The following B4GALT2 variants were observed in gnomAD, a reference collection of about 807,000 sequenced individuals.
B4GALT2 encodes the protein N-acetyllactosamine synthase.
A neutral mutation model predicts 33.2 loss-of-function variants in B4GALT2; 18 were observed. The ratio of observed to expected loss-of-function variants is 0.54; its 90% CI spans 0.38 to 0.80. The LOEUF (loss-of-function observed/expected upper bound fraction) is 0.80. Among genes scored for constraint, B4GALT2 ranks in the 30% least tolerant of loss-of-function variants. The pLI is 0.00. For synonymous variants in B4GALT2, 214 were observed against 217.6 expected, an observed-to-expected ratio of 0.98 and a Z score of 0.15; for missense variants, 404 against 526.2, an observed-to-expected ratio of 0.77 and a Z score of 2.27.
chr1:43,985,910 A>G, intron 6 of B4GALT2: 1 of 486,348 alleles, frequency 2.1e-6, no homozygotes, highest in South Asian at 2.3e-5. Context: ...CAGGGCCTAA[A>G]TAGTCATTGA....
chr1:43,981,733 C>G lies in B4GALT2; in HGVS notation c.358C>G (p.Arg120Gly). The G allele has an allele frequency of 1.2e-6, 2 of 1,613,214 alleles. No homozygotes were observed. The highest frequency in any genetic ancestry group is 1.7e-6 in the Non-Finnish European group (2 of 1,179,938). ...IEFTSPMPLERVQRENPGVLM... is the reference protein window; with the variant it reads ...IEFTSPMPLEGVQRENPGVLM... ...GTTCACCTCACCCATGCCCCTGGAG[C>G]GGGTGCAGAGGGAGAACCCAGGCGT... Residue 120 changes from arginine (R) to glycine (G), a missense_variant, in exon 3 of 7, where the codon CGG becomes GGG. Physicochemically the swap from Arg to Gly is moderately radical, Grantham distance 125. Transcript: ENST00000372324. The surrounding 1 kb of genome is among the most constrained non-coding windows in gnomAD (Gnocchi z 8.1).
chr1:43,989,365 G>A (rs2085697082), intron 6 of B4GALT2, among the ~76,000 whole-genome samples: 1 of 148,072 alleles, frequency 6.8e-6, no homozygotes, highest in Admixed American at 6.8e-5. Context: ...ATTTGAAAAG[G>A]AGACTTTATT....
In B4GALT2 at chr1:43,983,307, C is replaced by T. The variant is rs2085621142; in HGVS notation, c.549+1383C>T. ...AGCAAGGGGCATGAGAGGAGGAAGCCAGCACTTCAGGGATGGAGGGAGAAA... is the reference window on the plus strand; with the variant it reads ...AGCAAGGGGCATGAGAGGAGGAAGCTAGCACTTCAGGGATGGAGGGAGAAA... On this transcript the variant is annotated intron_variant, in intron 3 of 6. Transcript: ENST00000372324. 3.3e-5 allele frequency among the ~76,000 whole-genome samples: 5 copies of T among 152,154 alleles called. No individual in the cohort carries two copies. In the South Asian group the frequency reaches 1.0e-3, roughly 32 times the overall value.
At chr1:43,980,678 T>C in intron 1 of B4GALT2, 3 of 825,062 alleles carry the variant, frequency 3.6e-6, no homozygotes, top group Admixed American at 5.1e-5. Context: ...TTAAGGATGC[T>C]GCCATGTGAG....
rs2154303299 is a variant in B4GALT2 at position 43,984,958 on chromosome 1, A to T, written c.643A>T (p.Ser215Cys). The change falls in exon 4 of 7, where the codon AGC (serine) becomes TGC (cysteine). Residue 215 changes from serine to cysteine, a missense_variant. Transcript: ENST00000372324. This position sits in a 1 kb window ranked among gnomAD's most constrained non-coding sequence, Gnocchi z 5.6. ...TGCCGCCTATGACTGCTTCATCTTC[A>T]GCGATGTGGACCTGGTCCCCATGGA... The part of the protein sequence containing the change: ...EDAAYDCFIF[S>C]DVDLVPMDDR... The T allele has an allele frequency of 1.2e-6, 2 of 1,613,980 alleles. No homozygotes were observed. The highest frequency in any genetic ancestry group is 4.5e-5 in the East Asian group (2 of 44,880).
rs1061781 is a variant in B4GALT2, at chr1:43,985,562, C to G, written c.909C>G (p.Ile303Met). 1.2e-6 allele frequency: 2 copies of G among 1,613,454 alleles called. No homozygotes were observed. Among genetic ancestry groups the G allele is most frequent in the Non-Finnish European group, 8.5e-7 (1 of 1,179,848 alleles). The change falls in exon 6 of 7, where the codon ATC becomes ATG. Residue 303 changes from isoleucine to methionine, a missense_variant. Transcript: ENST00000372324. ...AGATCTCACGCCCAGACATCCGAATCGGCCGCTACCGCATGATCAAGCACG... is the reference window on the plus strand; with the variant it reads ...AGATCTCACGCCCAGACATCCGAATGGGCCGCTACCGCATGATCAAGCACG... ...GMKISRPDIR[I>M]GRYRMIKHDR...
chr1:43,982,323 G>A lies in B4GALT2; in HGVS notation c.549+399G>A, dbSNP rs1164874455. On this transcript the variant is annotated intron_variant, in intron 3 of 6. Coordinates refer to ENST00000372324, the MANE Select transcript of B4GALT2 (RefSeq NM_003780.5). This position sits in a 1 kb window ranked among gnomAD's most constrained non-coding sequence, Gnocchi z 4.3. Reference sequence around the variant, plus strand: ...AGGGCACTCAGCTCAGCATCTTAAGGCCTTTGGTGGACCTGGCTAGGGCTG... The same window carrying A: ...AGGGCACTCAGCTCAGCATCTTAAGACCTTTGGTGGACCTGGCTAGGGCTG... 1.3e-5 allele frequency among the ~76,000 whole-genome samples: 2 copies of A among 152,140 alleles called. No individual in the cohort carries two copies. The highest frequency in any genetic ancestry group is 2.9e-5 in the Non-Finnish European group (2 of 68,016).
Position 43,981,042 on chromosome 1 carries a change from G to A in B4GALT2, c.-52-67G>A. The A allele has an allele frequency of 6.8e-7, 1 of 1,465,898 alleles. No homozygotes were observed. Among genetic ancestry groups the A allele is most frequent in the Non-Finnish European group, 9.0e-7 (1 of 1,107,474 alleles). 90.8% of individuals were successfully genotyped at this position (1,465,898 alleles called of 1,614,324 possible). ...CACGAGTGTGAGCAGCTGAGTGGGA[G>A]GTAGGTGGGCAGCCTTGCCTGTCCT... On this transcript the variant is annotated intron_variant, in intron 1 of 6. Transcript: ENST00000372324. The surrounding 1 kb of genome is among the most constrained non-coding windows in gnomAD (Gnocchi z 8.1).
chr1:43,989,423 T>G (rs2085697832), intron 6 of B4GALT2, among the ~76,000 whole-genome samples: 1 of 151,826 alleles, frequency 6.6e-6, no homozygotes, highest in African/African-American at 2.4e-5. Flanking sequence ...TCCCACTGGC[T>G]AGGAAGCAGA....
At chr1:43,983,476 G>A (rs1379344430) in intron 3 of B4GALT2, among the ~76,000 whole-genome samples, 1 of 152,212 alleles carries the variant, frequency 6.6e-6, no homozygotes, top group Admixed American at 6.5e-5. Flanking sequence ...GGAGGGATGT[G>A]GACCAAGACT....
rs61054913 is a variant in B4GALT2, at chr1:43,982,214, G to A, written c.549+290G>A. On this transcript the variant is annotated intron_variant, in intron 3 of 6. Coordinates refer to ENST00000372324, the MANE Select transcript of B4GALT2 (RefSeq NM_003780.5). This position sits in a 1 kb window ranked among gnomAD's most constrained non-coding sequence, Gnocchi z 4.3. Reference sequence around the variant, plus strand: ...TATGCTGTAGGAGGAGATGTTGAGGGCCCTGAGGAGAGGGAGTTAGACCCT... The same window carrying A: ...TATGCTGTAGGAGGAGATGTTGAGGACCCTGAGGAGAGGGAGTTAGACCCT... Among the ~76,000 whole-genome samples the A allele has an allele frequency of 1.0e-3, 158 of 152,312 alleles. 1 individual carries two copies. The highest frequency in any genetic ancestry group is 3.6e-3 in the African/African-American group (149 of 41,566).
intron 1 of B4GALT2, chr1:43,980,324 T>C (rs544372610): frequency 1.6e-5 from 6 of 373,252 alleles, no homozygotes; most frequent in African/African-American, 1.3e-4. Context: ...CAGAACCAGC[T>C]GTGCTGGGCA....
chr1:43,983,215 G>A (rs530639109), intron 3 of B4GALT2, among the ~76,000 whole-genome samples: 1 of 152,316 alleles, frequency 6.6e-6, no homozygotes, highest in East Asian at 1.9e-4. Flanking sequence ...AGTGGAGAGA[G>A]GGATCTGGGA....
chr1:43,981,828 T>C lies in B4GALT2; in HGVS notation c.453T>C (p.Phe151=). 1.9e-6 allele frequency: 3 copies of C among 1,613,858 alleles called. No homozygotes were observed. Among genetic ancestry groups the C allele is most frequent in the East Asian group, 2.2e-5 (1 of 44,868 alleles). The change falls in exon 3 of 7, where the codon TTT becomes TTC. Residue 151 remains phenylalanine (F), a synonymous_variant. Transcript: ENST00000372324. This position sits in a 1 kb window ranked among gnomAD's most constrained non-coding sequence, Gnocchi z 8.1. ...AGACGGTGGCGGTCATCATCCCCTT[T>C]AGACACCGGGAACACCACCTGCGCT... ...PAQTVAVIIP[F]RHREHHLRYW...
At chr1:43,989,721 G>A (rs1167028773) in intron 6 of B4GALT2, among the ~76,000 whole-genome samples, 1 of 152,226 alleles carries the variant, frequency 6.6e-6, no homozygotes, top group Non-Finnish European at 1.5e-5. Flanking sequence ...ATGGCCGATG[G>A]TCTTATCAGG....
Position 43,982,020 on chromosome 1 carries a change from C to G in B4GALT2, c.549+96C>G, listed in dbSNP as rs2085605770. On this transcript the variant is annotated intron_variant, in intron 3 of 6. Transcript: ENST00000372324. The surrounding 1 kb of genome is among the most constrained non-coding windows in gnomAD (Gnocchi z 4.3). ...TGCCCGTGTGGATATGTGGATGGAC[C>G]TGGGCGTGGGTAGTCGGTGTTTGTC... 4 of 1,269,590 alleles carry G rather than the reference C, an allele frequency of 3.2e-6. No individual in the cohort carries two copies. Among genetic ancestry groups the G allele is most frequent in the Non-Finnish European group, 3.3e-6 (3 of 902,216 alleles). The allele number at this position is 1,269,590 out of a possible 1,614,324, so 78.6% of individuals were successfully genotyped here. A position where few individuals can be genotyped will look rare whatever the true frequency, so the allele number is the denominator to read the frequency against.
Position 43,981,002 on chromosome 1 carries a change from G to T in B4GALT2, c.-52-107G>T, listed in dbSNP as rs2085587494. ...AGTGTGAAAGGGTATGAGCAGGTCA[G>T]TGTGAGGTGTGGCCCACGAGTGTGA... On this transcript the variant is annotated intron_variant, in intron 1 of 6. Transcript: ENST00000372324. This position sits in a 1 kb window ranked among gnomAD's most constrained non-coding sequence, Gnocchi z 8.1. 7.2e-7 allele frequency: 1 copy of T among 1,385,096 alleles called. No homozygotes were observed. The highest frequency in any genetic ancestry group is 1.5e-5 in the African/African-American group (1 of 68,918). 85.8% of individuals were successfully genotyped at this position (1,385,096 alleles called of 1,614,324 possible).
chr1:43,980,049 G>A (rs2085577471), intron 1 of B4GALT2: 2 of 1,514,086 alleles, frequency 1.3e-6, no homozygotes, highest in Middle Eastern at 1.7e-4. Context: ...CCTTGTTTGT[G>A]AGTGTGGGAC....
At chr1:43,987,408 C>T (rs2085670363) in intron 6 of B4GALT2, among the ~76,000 whole-genome samples, 1 of 152,154 alleles carries the variant, frequency 6.6e-6, no homozygotes, top group East Asian at 1.9e-4. Flanking sequence ...TTAGGCCCTT[C>T]TCCCAGCCAG....
Sources: allele counts gnomAD v4.1 joint callset (sites outside exome capture counted in the v4.1 genomes callset), GRCh38; gene constraint gnomAD v4.1.1; non-coding constraint Gnocchi (gnomAD v3.1); transcripts MANE v1.5; gene names NCBI Gene and HGNC (gene_info 2026-07-23, HGNC 2026-07-21).